Variants in KPNA7 observed in about 807,000 individuals in gnomAD.
The protein encoded by KPNA7 is importin subunit alpha-8.
In KPNA7, 54 loss-of-function variants were observed where a neutral mutation model predicts 53.7. That is an observed-to-expected ratio of 1.01 (90% CI 0.81 to 1.26). The LOEUF (loss-of-function observed/expected upper bound fraction) is 1.26. Ranked by LOEUF, KPNA7 falls within the 50% of genes most tolerant of loss-of-function variation. KPNA7 has a pLI of 0.00. For synonymous variants in KPNA7, 276 were observed against 259.3 expected, an observed-to-expected ratio of 1.06 and a Z score of -0.62; for missense variants, 640 against 644.5, an observed-to-expected ratio of 0.99 and a Z score of 0.07.
intron 2 of KPNA7, among the ~76,000 whole-genome samples, chr7:99,203,447 T>C (rs947696389): frequency 6.6e-6 from 1 of 152,164 alleles, no homozygotes; most frequent in Admixed American, 6.6e-5. Flanking sequence ...TAATTTGATC[T>C]TCCCTCCAAA....
chr7:99,203,210 G>A lies in KPNA7; in HGVS notation c.97C>T (p.Leu33=), dbSNP rs1374790088. The A allele has an allele frequency of 6.4e-7, 1 of 1,551,660 alleles. No homozygotes were observed. The highest frequency in any genetic ancestry group is 1.2e-5 in the South Asian group (1 of 84,032). ...LRRQQRMAVS[L]ELRKAKKDEQ... ...TCTTTCTTGGCCTTTCGGAGCTCCA[G>A]ACTGACCGCCATCCTCTGCTGTCGC... is the stretch of plus-strand genomic sequence containing the variant. Residue 33 remains leucine, a synonymous_variant, in exon 3 of 11, where the codon CTG becomes TTG. Coordinates refer to ENST00000327442, the MANE Select transcript of KPNA7 (RefSeq NM_001145715.3).
chr7:99,187,293 CAAAA>C (rs926466449), intron 7 of KPNA7, among the ~76,000 whole-genome samples: 17 of 151,280 alleles, frequency 1.1e-4, no homozygotes, highest in Non-Finnish European at 1.8e-4. Flanking sequence ...GTCTCACACA[CAAAA>C]AAAATAATAA....
chr7:99,155,040 A>G, the KPNA7 span, among the ~76,000 whole-genome samples: 3 of 152,056 alleles, frequency 2.0e-5, no homozygotes, highest in Non-Finnish European at 4.4e-5. Context: ...ATATATGTGT[A>G]TATTATATAT....
In KPNA7 at chr7:99,181,981, C is replaced by T. The variant is rs1207090565; in HGVS notation, c.1219G>A (p.Val407Ile). The T allele has an allele frequency of 2.5e-5, 39 of 1,551,068 alleles. No individual in the cohort carries two copies. The highest frequency in any genetic ancestry group is 4.1e-5 in the African/African-American group (3 of 73,020). ...GATMDQLIQLVHSGVLEPLVN... is the reference protein window; with the variant it reads ...GATMDQLIQLIHSGVLEPLVN... ...AGTGGCTCCAGGACCCCAGAGTGGA[C>T]GAGCTGGATCAGCTGATCCATGGTG... The change falls in exon 9 of 11, where the codon GTC (valine) becomes ATC (isoleucine). Residue 407 changes from valine (V) to isoleucine (I), a missense_variant. By Grantham distance (29) the Val-to-Ile change is conservative. Coordinates refer to ENST00000327442, the MANE Select transcript of KPNA7 (RefSeq NM_001145715.3).
intron 1 of KPNA7, among the ~76,000 whole-genome samples, chr7:99,215,239 G>T (rs150900822): frequency 1.3e-5 from 2 of 151,830 alleles, no homozygotes; most frequent in Non-Finnish European, 2.9e-5. Flanking sequence ...GGGCGTGGTG[G>T]TGGGCGCCTG....
At chr7:99,219,154 AG>A (rs1483025648) in intron 1 of KPNA7, among the ~76,000 whole-genome samples, 1 of 152,252 alleles carries the variant, frequency 6.6e-6, no homozygotes, top group African/African-American at 2.4e-5. Flanking sequence ...TGAGTTGGTC[AG>A]GGAGGCTGAG....
the KPNA7 span, among the ~76,000 whole-genome samples, chr7:99,151,160 A>G: frequency 3.3e-5 from 5 of 152,154 alleles, no homozygotes; most frequent in South Asian, 2.1e-4. Flanking sequence ...GAGATCTCCA[A>G]TCCAGGTTCC....
chr7:99,175,748 G>A (rs182169920), intron 10 of KPNA7, among the ~76,000 whole-genome samples: 143 of 151,826 alleles, frequency 9.4e-4, no homozygotes, highest in African/African-American at 3.3e-3. Flanking sequence ...TCCTAACCTC[G>A]TGATCCATCT....
At chr7:99,182,620 C>G (rs537884601) in intron 8 of KPNA7, among the ~76,000 whole-genome samples, 1 of 152,072 alleles carries the variant, frequency 6.6e-6, no homozygotes, top group Non-Finnish European at 1.5e-5. Flanking sequence ...TAGGCATGAA[C>G]CCCCTGCCCG....
the KPNA7 span, among the ~76,000 whole-genome samples, chr7:99,168,457 T>A: frequency 1.3e-5 from 2 of 151,998 alleles, no homozygotes; most frequent in Non-Finnish European, 2.9e-5. Flanking sequence ...GAAGGGTAAA[T>A]CCTGGCCCTG....
chr7:99,191,793 G>C (rs569761722), intron 6 of KPNA7, among the ~76,000 whole-genome samples: 38 of 152,242 alleles, frequency 2.5e-4, no homozygotes, highest in African/African-American at 7.9e-4. Flanking sequence ...GGGACTACAG[G>C]AACGTGCCAC....
At chr7:99,217,382 G>A (rs1317932239) in intron 1 of KPNA7, among the ~76,000 whole-genome samples, 2 of 152,144 alleles carry the variant, frequency 1.3e-5, no homozygotes, top group Non-Finnish European at 2.9e-5. Flanking sequence ...CTTCAAAGTA[G>A]GGTTTGTTTA....
the KPNA7 span, among the ~76,000 whole-genome samples, chr7:99,154,346 C>CAA: frequency 6.6e-6 from 1 of 152,020 alleles, no homozygotes; most frequent in Non-Finnish European, 1.5e-5. Context: ...CCAGGCTGGT[C>CAA]TTGAACTCTT....
At chr7:99,176,571 A>T (rs1798915916) in intron 10 of KPNA7, among the ~76,000 whole-genome samples, 1 of 152,108 alleles carries the variant, frequency 6.6e-6, no homozygotes, top group Non-Finnish European at 1.5e-5. Flanking sequence ...ATTCCACTCT[A>T]GGTATATACT....
At chr7:99,170,679 G>A (rs1001931865), downstream of KPNA7, among the ~76,000 whole-genome samples, 2 of 152,128 alleles carry the variant, frequency 1.3e-5, no homozygotes, top group African/African-American at 4.8e-5. Context: ...TAGACTGCAA[G>A]GCTGATACTT....
At chr7:99,162,825 G>A in the KPNA7 span, among the ~76,000 whole-genome samples, 6 of 152,026 alleles carry the variant, frequency 3.9e-5, no homozygotes, top group South Asian at 6.2e-4. Context: ...TCTACGAATA[G>A]GGGGAAAAAT....
At chr7:99,195,751 C>T (rs1165708609) in intron 4 of KPNA7, among the ~76,000 whole-genome samples, 1 of 152,074 alleles carries the variant, frequency 6.6e-6, no homozygotes, top group Non-Finnish European at 1.5e-5. Flanking sequence ...CATAGCTGGG[C>T]CGGAGCTACT....
chr7:99,169,167 T>G (rs958463438), downstream of KPNA7, among the ~76,000 whole-genome samples: 1 of 151,670 alleles, frequency 6.6e-6, no homozygotes, highest in Non-Finnish European at 1.5e-5. Context: ...ATAAATAATT[T>G]TTTAAAATAA....
At chr7:99,189,183 CACTGGTCTAAAACACT>C (rs1789805882) in intron 6 of KPNA7, among the ~76,000 whole-genome samples, 1 of 152,164 alleles carries the variant, frequency 6.6e-6, no homozygotes, top group Admixed American at 6.5e-5. Context: ...TTGGTCTTCC[CACTGGTCTAAAACACT>C]ACTGGCATGT....
Sources: allele counts gnomAD v4.1 joint callset (sites outside exome capture counted in the v4.1 genomes callset), GRCh38; gene constraint gnomAD v4.1.1; transcripts MANE v1.5; gene names NCBI Gene and HGNC (gene_info 2026-07-23, HGNC 2026-07-21).